Variants in MEGF10 observed in about 807,000 individuals in gnomAD.
MEGF10 encodes the protein multiple EGF like domains 10, also known as multiple epidermal growth factor-like domains protein 10.
Under a neutral mutation model 147.5 loss-of-function variants are expected in MEGF10, and 86 were observed. That is an observed-to-expected ratio of 0.58 (90% CI 0.49 to 0.70). MEGF10 has a LOEUF of 0.70. Ranked by LOEUF, MEGF10 falls within the 30% of genes least tolerant of loss-of-function variation. MEGF10 has a pLI of 0.00. For missense variants in MEGF10, 1,329 were observed against 1,487.3 expected (o/e 0.89, Z 1.75); for synonymous variants, 478 against 525.5 (o/e 0.91, Z 1.24).
At chr5:127,242,451 AG>A in the MEGF10 span, among the ~76,000 whole-genome samples, 2 of 152,236 alleles carry the variant, frequency 1.3e-5, no homozygotes, top group Non-Finnish European at 2.9e-5. Flanking sequence ...GGTCTGCAAA[AG>A]GTAAGTATAA....
At chr5:127,253,470 T>C in the MEGF10 span, among the ~76,000 whole-genome samples, 1 of 152,130 alleles carries the variant, frequency 6.6e-6, no homozygotes, top group African/African-American at 2.4e-5. Context: ...CAATAGGCTA[T>C]ATAAAAGAAA....
chr5:127,413,252 T>G (rs970565156), intron 9 of MEGF10, among the ~76,000 whole-genome samples: 1 of 152,144 alleles, frequency 6.6e-6, no homozygotes, highest in Non-Finnish European at 1.5e-5. Context: ...ACTTTTCAAC[T>G]GAAAACTAAC....
intron 5 of MEGF10, among the ~76,000 whole-genome samples, chr5:127,375,455 A>G (rs1260832432): frequency 1.3e-5 from 2 of 152,224 alleles, no homozygotes; most frequent in African/African-American, 4.8e-5. Context: ...TGTTCTCCCA[A>G]AATGAAATCA....
In MEGF10 at chr5:127,298,328, G is replaced by A. The variant is rs542035684; in HGVS notation, c.-19+7272G>A. 5.9e-5 allele frequency among the ~76,000 whole-genome samples: 9 copies of A among 152,162 alleles called. No homozygotes were observed. In the South Asian group the frequency reaches 1.0e-3, roughly 18 times the overall value. On this transcript the variant is annotated intron_variant, in intron 1 of 24. Coordinates refer to ENST00000503335, the MANE Select transcript of MEGF10 (RefSeq NM_001256545.2). The stretch of plus-strand genomic sequence containing the variant: ...GCCCTCATCGTTCTCACCTGTCTTC[G>A]TCTCAGGTGTTTTTCCCCCAACACT...
At chr5:127,425,318 C>T (rs912503933) in intron 13 of MEGF10, among the ~76,000 whole-genome samples, 6 of 152,194 alleles carry the variant, frequency 3.9e-5, no homozygotes, top group African/African-American at 1.2e-4. Context: ...CATCTGTGGC[C>T]GGCCTGCTTC....
At chr5:127,383,928 T>G (rs1763341296) in intron 5 of MEGF10, among the ~76,000 whole-genome samples, 1 of 152,266 alleles carries the variant, frequency 6.6e-6, no homozygotes, top group African/African-American at 2.4e-5. Flanking sequence ...GTTTTCTTAC[T>G]CTGAGATTTT....
upstream of MEGF10, among the ~76,000 whole-genome samples, chr5:127,289,348 A>G (rs753632643): frequency 6.6e-6 from 1 of 152,236 alleles, no homozygotes; most frequent in Non-Finnish European, 1.5e-5. Flanking sequence ...GAAAACAGCC[A>G]TATGGATTAA....
chr5:127,439,061 G>A (rs956298578), intron 17 of MEGF10, among the ~76,000 whole-genome samples: 2 of 152,218 alleles, frequency 1.3e-5, no homozygotes. Flanking sequence ...CGGAAGCAGC[G>A]AGTCTGGGCT....
At chr5:127,233,494 A>T in the MEGF10 span, among the ~76,000 whole-genome samples, 18 of 152,226 alleles carry the variant, frequency 1.2e-4, no homozygotes, top group African/African-American at 4.3e-4. Flanking sequence ...GGCGGCAATT[A>T]GCCTGGCTAC....
At chr5:127,449,388 G>T (rs1766072848) in intron 22 of MEGF10, among the ~76,000 whole-genome samples, 166 bp downstream of exon 22, 1 of 152,128 alleles carries the variant, frequency 6.6e-6, no homozygotes, top group African/African-American at 2.4e-5. Context: ...TGTCCTAAGG[G>T]CTTTATCTAT....
chr5:127,425,770 T>A (rs761014723), intron 13 of MEGF10, among the ~76,000 whole-genome samples: 3 of 152,206 alleles, frequency 2.0e-5, no homozygotes, highest in Non-Finnish European at 4.4e-5. Context: ...AAGAAGGTTT[T>A]ACTTTCCATT....
At chr5:127,272,479 T>C in the MEGF10 span, among the ~76,000 whole-genome samples, 1 of 152,232 alleles carries the variant, frequency 6.6e-6, no homozygotes, top group African/African-American at 2.4e-5. Flanking sequence ...TCAATGGTAG[T>C]TTAATGGAAA....
At chr5:127,292,007 C>T (rs951206019) in intron 1 of MEGF10, among the ~76,000 whole-genome samples, 1 of 152,160 alleles carries the variant, frequency 6.6e-6, no homozygotes. Flanking sequence ...TTCTTCTTGC[C>T]TTACTCCTTT....
At chr5:127,420,658 A>C (rs973119551) in intron 12 of MEGF10, among the ~76,000 whole-genome samples, 1 of 152,132 alleles carries the variant, frequency 6.6e-6, no homozygotes, top group African/African-American at 2.4e-5. Flanking sequence ...GTTTGGAAAC[A>C]ATGTCTTTTA....
the MEGF10 span, among the ~76,000 whole-genome samples, chr5:127,265,252 CT>C: frequency 1.1e-4 from 16 of 151,874 alleles, no homozygotes; most frequent in African/African-American, 3.1e-4. Flanking sequence ...TGAACTTATC[CT>C]TTTTTTTCTG....
At chr5:127,267,014 A>G in the MEGF10 span, among the ~76,000 whole-genome samples, 1 of 152,200 alleles carries the variant, frequency 6.6e-6, no homozygotes, top group African/African-American at 2.4e-5. Flanking sequence ...TTCAAAGGGA[A>G]TGCTTCCAGT....
chr5:127,370,022 T>G lies in MEGF10; in HGVS notation c.412+20T>G, dbSNP rs1762794846. 6.2e-7 allele frequency: 1 copy of G among 1,601,698 alleles called. No homozygotes were observed. Among genetic ancestry groups the G allele is most frequent in the African/African-American group, 1.3e-5 (1 of 74,558 alleles). ...CCAGTGGTAAGTTTCCACCTGCTGT[T>G]GTCTGTCTCGGGATGTTTTTGCTGT... is the stretch of plus-strand genomic sequence containing the variant. On this transcript the variant is annotated intron_variant, in intron 5 of 24. Coordinates refer to ENST00000503335, the MANE Select transcript of MEGF10 (RefSeq NM_001256545.2).
At chr5:127,277,018 G>T in the MEGF10 span, among the ~76,000 whole-genome samples, 1 of 152,104 alleles carries the variant, frequency 6.6e-6, no homozygotes, top group Non-Finnish European at 1.5e-5. Context: ...AAGTCAGTCT[G>T]GTGTATTTGA....
At chr5:127,357,602 A>C (rs1263059180) in intron 4 of MEGF10, among the ~76,000 whole-genome samples, 1 of 149,106 alleles carries the variant, frequency 6.7e-6, no homozygotes. Context: ...TAAATAAATA[A>C]ATAAATAAAT....
Sources: gnomAD v4.1 joint callset for allele counts (sites outside exome capture counted in the v4.1 genomes callset) on GRCh38, gnomAD v4.1.1 for gene constraint, MANE v1.5 for transcripts, NCBI Gene and HGNC (gene_info 2026-07-23, HGNC 2026-07-21) for gene names.